PALM2AKAP2: variants seen among roughly 807,000 people sequenced by gnomAD.
PALM2AKAP2 encodes the protein PALM2 and AKAP2 fusion.
Under a neutral mutation model 71.5 loss-of-function variants are expected in PALM2AKAP2, and 37 were observed. The ratio of observed to expected loss-of-function variants is 0.52; its 90% confidence interval spans 0.40 to 0.68. The LOEUF (loss-of-function observed/expected upper bound fraction) is 0.68. Ranked by LOEUF, PALM2AKAP2 falls within the 30% of genes least tolerant of loss-of-function variation. The probability of loss-of-function intolerance (pLI) is 0.00; values close to 1 mark genes in which losing one functional copy is unlikely to be tolerated. For synonymous variants in PALM2AKAP2, 468 were observed against 478.8 expected (o/e 0.98, Z 0.29); for missense variants, 1,224 against 1,191.8 (o/e 1.03, Z -0.40).
chr9:109,849,747 ACT>A (rs1445058466), intron 1 of PALM2AKAP2, among the ~76,000 whole-genome samples: 4 of 152,120 alleles, frequency 2.6e-5, no homozygotes, highest in African/African-American at 7.2e-5. Context: ...CAAGTGTGAA[ACT>A]CTGTCTCAAA....
chr9:109,712,981 C>T (rs982294301), intron 1 of PALM2AKAP2, among the ~76,000 whole-genome samples: 5 of 152,176 alleles, frequency 3.3e-5, no homozygotes, highest in Admixed American at 1.3e-4. Flanking sequence ...CCCTGATGGG[C>T]CACACAGTCC....
chr9:109,677,779 A>G lies in PALM2AKAP2; in HGVS notation c.5+36913A>G, dbSNP rs114338450. On this transcript the variant is annotated intron_variant, in intron 1 of 6. Transcript: ENST00000374531. ...AAGCCCCTAACTTCAGCCTGAAATC[A>G]TCAACATCCATCACAGTAGCGGAAC... 8.2e-3 allele frequency among the ~76,000 whole-genome samples: 1,250 copies of G among 152,292 alleles called. 19 individuals are homozygous for G. The highest frequency in any genetic ancestry group is 0.029 in the African/African-American group (1,195 of 41,556).
intron 6 of PALM2AKAP2, among the ~76,000 whole-genome samples, chr9:109,998,085 C>CAG (rs1832608692): frequency 6.6e-6 from 1 of 152,054 alleles, no homozygotes; most frequent in Non-Finnish European, 1.5e-5. Context: ...GCTGTCTGTG[C>CAG]AGAGACTCTA....
At chr9:110,009,118 G>T (rs1191614628) in intron 6 of PALM2AKAP2, among the ~76,000 whole-genome samples, 1 of 152,134 alleles carries the variant, frequency 6.6e-6, no homozygotes, top group African/African-American at 2.4e-5. Context: ...CCACTCTCTT[G>T]CACATTCGGG....
In PALM2AKAP2 at chr9:110,161,809, T is replaced by G. The variant is rs150379784; in HGVS notation, c.2748+5312T>G. 2.5e-4 allele frequency among the ~76,000 whole-genome samples: 38 copies of G among 152,222 alleles called. No homozygotes were observed. In the East Asian group the frequency reaches 6.9e-3, roughly 28 times the overall value. On this transcript the variant is annotated intron_variant, in intron 3 of 3. Transcript: ENST00000374525. ...GATTGTGTACAGAGGGGAAGGAATC[T>G]TGTTAATTCAAAGTACAGAAACTGA...
At chr9:109,992,933 A>G (rs1356904788) in intron 6 of PALM2AKAP2, among the ~76,000 whole-genome samples, 1 of 110,910 alleles carries the variant, frequency 9.0e-6, no homozygotes, top group South Asian at 2.8e-4. Flanking sequence ...TTAAATTCAT[A>G]TATATGTATA....
intron 6 of PALM2AKAP2, 51 bp from the exon 7 acceptor site, chr9:110,015,903 C>A: frequency 6.7e-7 from 1 of 1,496,878 alleles, no homozygotes; most frequent in Non-Finnish European, 9.2e-7. Flanking sequence ...ACTGTGTATC[C>A]ATGTCAGCTG....
At chr9:109,901,186 G>C (rs1490730363) in intron 3 of PALM2AKAP2, among the ~76,000 whole-genome samples, 4 of 152,224 alleles carry the variant, frequency 2.6e-5, no homozygotes, top group African/African-American at 9.6e-5. Flanking sequence ...GGATAATGCT[G>C]TCATTAGGAA....
intron 6 of PALM2AKAP2, among the ~76,000 whole-genome samples, chr9:109,937,835 G>A (rs1831264122): frequency 6.6e-6 from 1 of 152,004 alleles, no homozygotes; most frequent in Non-Finnish European, 1.5e-5. Context: ...ATTTCTTTCA[G>A]GGCTCCCCAG....
At chr9:109,799,148 G>A (rs766233615) in intron 1 of PALM2AKAP2, among the ~76,000 whole-genome samples, 16 of 152,248 alleles carry the variant, frequency 1.1e-4, no homozygotes, top group Non-Finnish European at 2.1e-4. Context: ...CAGATCAAAG[G>A]AGGAGCATGG....
intron 7 of PALM2AKAP2, among the ~76,000 whole-genome samples, chr9:110,042,154 C>A (rs867729447): frequency 4.6e-5 from 7 of 152,110 alleles, no homozygotes; most frequent in Middle Eastern, 3.2e-3. Flanking sequence ...GGGCCGGATG[C>A]GGTGGCTCAG....
At chr9:109,823,768 G>T (rs576250625) in intron 1 of PALM2AKAP2, among the ~76,000 whole-genome samples, 1 of 152,326 alleles carries the variant, frequency 6.6e-6, no homozygotes, top group East Asian at 1.9e-4. Context: ...TGTTTGTCTG[G>T]GGGTGAGGGG....
At chr9:109,703,671 T>C (rs757659419) in intron 1 of PALM2AKAP2, among the ~76,000 whole-genome samples, 1 of 152,052 alleles carries the variant, frequency 6.6e-6, no homozygotes, top group Non-Finnish European at 1.5e-5. Flanking sequence ...AAACCCATTC[T>C]CTAAAAGACA....
At chr9:110,164,216 T>C (rs1169654792) in intron 3 of PALM2AKAP2, among the ~76,000 whole-genome samples, 16 of 152,130 alleles carry the variant, frequency 1.1e-4, no homozygotes. Context: ...GAAAATCTGG[T>C]CAAATATATC....
chr9:110,024,401 G>T (rs1357458226), intron 7 of PALM2AKAP2, among the ~76,000 whole-genome samples: 1 of 151,216 alleles, frequency 6.6e-6, no homozygotes, highest in African/African-American at 2.5e-5. Context: ...TTAGGATGAT[G>T]ATGATTTTTT....
At chr9:110,088,026 C>T (rs1205683745) in intron 1 of PALM2AKAP2, among the ~76,000 whole-genome samples, 2 of 152,042 alleles carry the variant, frequency 1.3e-5, no homozygotes. Flanking sequence ...TGGAGGGTGT[C>T]CAGGTTCTTG....
chr9:109,667,577 G>A (rs1827506458), intron 1 of PALM2AKAP2, among the ~76,000 whole-genome samples: 2 of 152,084 alleles, frequency 1.3e-5, no homozygotes, highest in African/African-American at 4.8e-5. Flanking sequence ...ATCACTTGAG[G>A]TCAGGAGTTC....
chr9:110,167,087 T>G (rs1406224292), intron 3 of PALM2AKAP2, among the ~76,000 whole-genome samples: 1 of 152,058 alleles, frequency 6.6e-6, no homozygotes, highest in Non-Finnish European at 1.5e-5. Flanking sequence ...AACCATCAGG[T>G]CTGGTGAGAC....
At chr9:109,664,377 A>G (rs531831382) in intron 1 of PALM2AKAP2, among the ~76,000 whole-genome samples, 1 of 152,290 alleles carries the variant, frequency 6.6e-6, no homozygotes, top group Non-Finnish European at 1.5e-5. Flanking sequence ...CTTGTAAGGC[A>G]GGCCTGGTGG....
Sources: allele counts gnomAD v4.1 joint callset (sites outside exome capture counted in the v4.1 genomes callset), GRCh38; gene constraint gnomAD v4.1.1; transcripts MANE v1.5; gene names NCBI Gene and HGNC (gene_info 2026-07-23, HGNC 2026-07-21).